OTOG: variants seen among roughly 807,000 people sequenced by gnomAD.
OTOG encodes the protein otogelin.
In OTOG, 296 loss-of-function variants were observed where a neutral mutation model predicts 313.8. The ratio of observed to expected loss-of-function variants is 0.94; its 90% CI spans 0.86 to 1.04. The LOEUF is 1.04. OTOG is among the 50% of genes least tolerant of loss of function. The pLI is 0.00. For synonymous variants in OTOG, 1,533 were observed against 1,554.9 expected, an observed-to-expected ratio of 0.99 and a Z score of 0.33; for missense variants, 3,948 against 3,840.1, an observed-to-expected ratio of 1.03 and a Z score of -0.74.
intron 53 of OTOG, among the ~76,000 whole-genome samples, 153 bp downstream of exon 53, chr11:17,642,399 A>G (rs1018469724): frequency 1.3e-5 from 2 of 152,180 alleles, no homozygotes; most frequent in Non-Finnish European, 2.9e-5. Flanking sequence ...GTCTCTCTGC[A>G]TTTCTTTTTG....
At chr11:17,605,613 C>T (rs1192061973) in intron 32 of OTOG, among the ~76,000 whole-genome samples, 1 of 152,116 alleles carries the variant, frequency 6.6e-6, no homozygotes, top group African/African-American at 2.4e-5. Flanking sequence ...AGTTCAATTA[C>T]CTTCCCGAGG....
intron 31 of OTOG, 123 bp downstream of exon 31, chr11:17,599,820 G>C (rs1211456982): frequency 5.1e-6 from 6 of 1,170,992 alleles, no homozygotes; most frequent in Non-Finnish European, 7.3e-6. Flanking sequence ...ACCCGGAATG[G>C]GAGGGCCCCC....
At chr11:17,612,438 G>A (rs939400700) in intron 37 of OTOG, 108 bp downstream of exon 37, 9 of 1,417,808 alleles carry the variant, frequency 6.3e-6, no homozygotes, top group Middle Eastern at 2.5e-4. Flanking sequence ...GTGGGACCCC[G>A]ACCTGGCAGA....
chr11:17,571,349 G>T (rs1211722442), intron 17 of OTOG, among the ~76,000 whole-genome samples: 3 of 152,130 alleles, frequency 2.0e-5, no homozygotes, highest in African/African-American at 7.2e-5. Context: ...TGTACTCATT[G>T]CCCCAGAACA....
Position 17,634,968 on chromosome 11 carries a change from G to C in OTOG, c.7585+20G>C. The C allele has an allele frequency of 7.2e-7, 1 of 1,389,782 alleles. No individual in the cohort carries two copies. Among genetic ancestry groups the C allele is most frequent in the Non-Finnish European group, 1.0e-6 (1 of 1,003,342 alleles). The allele number at this position is 1,389,782 out of a possible 1,614,324, so 86.1% of individuals were successfully genotyped here. On this transcript the variant is annotated intron_variant, in intron 45 of 55. Transcript: ENST00000399397. ...GCTGTGGTGAGAGGCCCGGGGTGGG[G>C]AGGGTGGGGGACGGACTGAGGGCAG...
chr11:17,635,712 G>C lies in OTOG; in HGVS notation c.7795+1G>C. The C allele has an allele frequency of 6.5e-7, 1 of 1,549,880 alleles. No homozygotes were observed. Among genetic ancestry groups the C allele is most frequent in the Non-Finnish European group, 8.7e-7 (1 of 1,146,366 alleles). ...CTCTGCTGCCCTCTGTACCAGTGTG[G>C]TGAGTCCTGGCTGGGCACATGGCGG... is the stretch of plus-strand genomic sequence containing the variant. On this transcript the variant is annotated splice_donor_variant, in intron 47 of 55. Coordinates refer to ENST00000399397, the MANE Select transcript of OTOG (RefSeq NM_001292063.2). LOFTEE classifies it high-confidence loss of function.
chr11:17,609,373 T>C (rs1403153032), intron 35 of OTOG, among the ~76,000 whole-genome samples, 164 bp downstream of exon 35: 1 of 151,958 alleles, frequency 6.6e-6, no homozygotes. Context: ...CCTCATCCGG[T>C]CTATTCGCCC....
At chr11:17,636,823 C>T (rs1854278817) in intron 47 of OTOG, among the ~76,000 whole-genome samples, 1 of 152,060 alleles carries the variant, frequency 6.6e-6, no homozygotes. Flanking sequence ...GGGCTGTCTA[C>T]CAGCTGTGCA....
At chr11:17,608,146 G>A (rs1054790942) in intron 33 of OTOG, 150 bp from the exon 34 acceptor site, 5 of 552,310 alleles carry the variant, frequency 9.1e-6, no homozygotes, top group African/African-American at 3.9e-5. Flanking sequence ...CACCATGAAC[G>A]CAGTTTCTCC....
chr11:17,571,793 A>C (rs545022754), intron 17 of OTOG, among the ~76,000 whole-genome samples: 2 of 152,066 alleles, frequency 1.3e-5, no homozygotes, highest in Admixed American at 1.3e-4. Flanking sequence ...GCACGCATGC[A>C]TGTGTACATC....
chr11:17,629,058 G>A lies in OTOG; in HGVS notation c.6529-75G>A, dbSNP rs1344625710. ...TGGATGGATGGATGGATGAATGGAT[G>A]GACGGACAGATGGATGGATGGATGG... On this transcript the variant is annotated intron_variant, in intron 39 of 55. Coordinates refer to ENST00000399397, the MANE Select transcript of OTOG (RefSeq NM_001292063.2). 4 of 1,371,534 alleles carry A rather than the reference G, an allele frequency of 2.9e-6. No individual in the cohort carries two copies. In the Admixed American group the frequency reaches 6.2e-5, roughly 21 times the overall value. 85.0% of individuals were successfully genotyped at this position (1,371,534 alleles called of 1,614,324 possible).
At chr11:17,645,049 G>A (rs1848045934) in intron 54 of OTOG, among the ~76,000 whole-genome samples, 2 of 152,184 alleles carry the variant, frequency 1.3e-5, no homozygotes, top group Non-Finnish European at 2.9e-5. Flanking sequence ...TGTGAGATGG[G>A]TGAATCCCTG....
intron 20 of OTOG, 22 bp downstream of exon 20, chr11:17,574,934 C>G: frequency 1.3e-5 from 19 of 1,473,720 alleles, no homozygotes; most frequent in Non-Finnish European, 1.7e-5. Flanking sequence ...AGCTTGATCT[C>G]TGAGTTGGGT....
At chr11:17,593,888 G>T (rs977302368) in intron 27 of OTOG, 132 bp downstream of exon 27, 13 of 1,403,064 alleles carry the variant, frequency 9.3e-6, no homozygotes, top group African/African-American at 1.4e-5. Context: ...CCCTGCTCTG[G>T]GCCCCTTCTC....
intron 24 of OTOG, among the ~76,000 whole-genome samples, chr11:17,586,997 G>T (rs1451469609): frequency 6.6e-6 from 1 of 152,220 alleles, no homozygotes; most frequent in Non-Finnish European, 1.5e-5. Flanking sequence ...ATTTGTTTAT[G>T]TAGACAGGTG....
chr11:17,633,574 G>C, intron 42 of OTOG, 106 bp from the exon 43 acceptor site: 1 of 1,075,538 alleles, frequency 9.3e-7, no homozygotes, highest in African/African-American at 1.6e-5. Context: ...CTGAGGTGCT[G>C]ATGACACTCT....
Position 17,572,284 on chromosome 11 carries a change from C to T in OTOG, c.2080+80C>T, listed in dbSNP as rs184158783. On this transcript the variant is annotated intron_variant, in intron 18 of 55. Coordinates refer to ENST00000399397, the MANE Select transcript of OTOG (RefSeq NM_001292063.2). ...TTTGAGAGAGATGAAAAGGGAACTC[C>T]GGGCAGGAGAGTGCTGGCCAAATTT... 5.1e-5 allele frequency: 77 copies of T among 1,516,528 alleles called. No homozygotes were observed. In the East Asian group the frequency reaches 8.9e-4, roughly 18 times the overall value. 93.9% of individuals were successfully genotyped at this position (1,516,528 alleles called of 1,614,324 possible). A position where few individuals can be genotyped will look rare whatever the true frequency, so the allele number is the denominator to read the frequency against.
At chr11:17,629,820 C>T (rs969170428) in intron 40 of OTOG, among the ~76,000 whole-genome samples, 2 of 152,182 alleles carry the variant, frequency 1.3e-5, no homozygotes, top group East Asian at 3.9e-4. Context: ...AGAGCATGCC[C>T]TAAAAGATTG....
At chr11:17,642,785 T>C (rs1462617248) in intron 53 of OTOG, among the ~76,000 whole-genome samples, 1 of 152,144 alleles carries the variant, frequency 6.6e-6, no homozygotes, top group Non-Finnish European at 1.5e-5. Context: ...AGATTAATAG[T>C]GGACATTTGA....
Sources: gnomAD v4.1 joint callset for allele counts (sites outside exome capture counted in the v4.1 genomes callset) on GRCh38, gnomAD v4.1.1 for gene constraint, MANE v1.5 for transcripts, NCBI Gene and HGNC (gene_info 2026-07-23, HGNC 2026-07-21) for gene names.